The following ZNF385D variants were observed in gnomAD, a reference collection of about 807,000 sequenced individuals.
ZNF385D encodes the protein zinc finger protein 385D.
A neutral mutation model predicts 35.8 loss-of-function variants in ZNF385D; 15 were observed. The observed-to-expected ratio is 0.42, with a 90% confidence interval of 0.28 to 0.64. ZNF385D has a LOEUF of 0.64. ZNF385D is among the 30% of genes least tolerant of loss of function. The pLI is 0.23. For synonymous variants in ZNF385D, 212 were observed against 186.8 expected, an observed-to-expected ratio of 1.13 and a Z score of -1.10; for missense variants, 474 against 494.6, an observed-to-expected ratio of 0.96 and a Z score of 0.39.
intron 4 of ZNF385D, among the ~76,000 whole-genome samples, chr3:21,507,996 C>A (rs1422822273): frequency 6.6e-6 from 1 of 152,072 alleles, no homozygotes; most frequent in Non-Finnish European, 1.5e-5. Context: ...ACCTATATAA[C>A]TTGCTTTTTT....
chr3:21,615,816 G>GTGTGTGTGTGTGTT lies in ZNF385D; in HGVS notation c.165+49069_165+49070insAACACACACACACA, dbSNP rs1375406249. Among the ~76,000 whole-genome samples, 108 of 151,312 alleles carry GTGTGTGTGTGTGTT rather than the reference G, an allele frequency of 7.1e-4. 1 individual carries two copies. Among genetic ancestry groups the GTGTGTGTGTGTGTT allele is most frequent in the African/African-American group, 2.6e-3 (105 of 41,106 alleles). On this transcript the variant is annotated intron_variant, in intron 2 of 7. Coordinates refer to ENST00000281523, the MANE Select transcript of ZNF385D (RefSeq NM_024697.3). ...AGAGTGTGTGTGTGTGTGTGTGTGT[G>GTGTGTGTGTGTGTT]TTTACTGGTTAAAAAAATCAATTTG...
chr3:22,292,115 G>T (rs1702330400), intron 2 of ZNF385D, among the ~76,000 whole-genome samples: 2 of 151,762 alleles, frequency 1.3e-5, no homozygotes. Flanking sequence ...GCTTTTAATT[G>T]AATAATTCTT....
chr3:21,474,247 G>A (rs964599631), intron 4 of ZNF385D, among the ~76,000 whole-genome samples: 1 of 152,152 alleles, frequency 6.6e-6, no homozygotes, highest in Admixed American at 6.6e-5. Context: ...TCTATCCACA[G>A]TGGCAGGAGA....
intron 5 of ZNF385D, among the ~76,000 whole-genome samples, chr3:21,428,513 T>C (rs1474282225): frequency 1.3e-5 from 2 of 152,164 alleles, no homozygotes; most frequent in Non-Finnish European, 2.9e-5. Context: ...TTGTTAATAC[T>C]GTCTTTTCTA....
chr3:21,686,609 A>C (rs1383963903), intron 1 of ZNF385D, among the ~76,000 whole-genome samples: 1 of 152,206 alleles, frequency 6.6e-6, no homozygotes, highest in African/African-American at 2.4e-5. Flanking sequence ...ACTCTTTTTC[A>C]TGTACAAAGC....
Position 22,339,405 on chromosome 3 carries a change from C to T in ZNF385D, c.106+33045G>A, listed in dbSNP as rs573344122. On this transcript the variant is annotated intron_variant, in intron 2 of 5. Transcript: ENST00000494108. The stretch of plus-strand genomic sequence containing the variant: ...ACTAATAGTTATCAAATACTATGTG[C>T]CATATACTATGCTAGGTGCTGAATA... Among the ~76,000 whole-genome samples the T allele has an allele frequency of 1.2e-4, 19 of 152,218 alleles. No individual in the cohort carries two copies. In the East Asian group the frequency reaches 2.1e-3, roughly 17 times the overall value.
At chr3:22,197,008 T>C (rs943955188) in intron 2 of ZNF385D, among the ~76,000 whole-genome samples, 1 of 152,058 alleles carries the variant, frequency 6.6e-6, no homozygotes, top group Non-Finnish European at 1.5e-5. Flanking sequence ...GTATTTCTAT[T>C]TCTCAATTTG....
chr3:21,980,151 C>T (rs897113770), intron 3 of ZNF385D, among the ~76,000 whole-genome samples: 13 of 152,146 alleles, frequency 8.5e-5, no homozygotes, highest in Non-Finnish European at 1.3e-4. Context: ...GGGCAAGGAA[C>T]TACTAAGACC....
intron 1 of ZNF385D, among the ~76,000 whole-genome samples, chr3:21,686,510 C>T (rs73138852): frequency 0.019 from 2,929 of 151,830 alleles, 89 homozygotes; most frequent in African/African-American, 0.066. Context: ...AGTAGCCACA[C>T]CAAAAAGTAA....
intron 3 of ZNF385D, among the ~76,000 whole-genome samples, chr3:21,983,661 G>C (rs1329721027): frequency 2.0e-5 from 2 of 98,324 alleles, no homozygotes; most frequent in East Asian, 3.1e-4. Flanking sequence ...ATGATTTATA[G>C]TCATTTGGGT....
chr3:22,005,591 A>T (rs184725122), intron 3 of ZNF385D, among the ~76,000 whole-genome samples: 1 of 152,264 alleles, frequency 6.6e-6, no homozygotes, highest in Non-Finnish European at 1.5e-5. Flanking sequence ...AAAATAGCAC[A>T]TGTATCCCAT....
chr3:22,332,467 G>A (rs901212555), intron 2 of ZNF385D, among the ~76,000 whole-genome samples: 1 of 152,086 alleles, frequency 6.6e-6, no homozygotes, highest in Non-Finnish European at 1.5e-5. Flanking sequence ...AAGGAAGAAG[G>A]CATGGTGGTT....
At chr3:22,016,500 T>C (rs968642727) in intron 3 of ZNF385D, among the ~76,000 whole-genome samples, 1 of 152,116 alleles carries the variant, frequency 6.6e-6, no homozygotes, top group Non-Finnish European at 1.5e-5. Flanking sequence ...TGAGATTAGG[T>C]ATGACTATCT....
chr3:22,146,571 G>A (rs1380679641), intron 3 of ZNF385D, among the ~76,000 whole-genome samples: 1 of 152,046 alleles, frequency 6.6e-6, no homozygotes, highest in African/African-American at 2.4e-5. Flanking sequence ...TCAACTGCCT[G>A]TACTTGCTAA....
chr3:21,888,823 G>C (rs375099508), intron 3 of ZNF385D, among the ~76,000 whole-genome samples: 8 of 152,228 alleles, frequency 5.3e-5, no homozygotes, highest in East Asian at 1.9e-4. Flanking sequence ...CATCTAAGTT[G>C]AGGTTGCCAA....
intron 2 of ZNF385D, among the ~76,000 whole-genome samples, chr3:22,274,668 T>C (rs1202692767): frequency 8.6e-5 from 13 of 151,802 alleles, no homozygotes; most frequent in Admixed American, 8.5e-4. Flanking sequence ...TAGTAAATTT[T>C]TTAAAAAAAA....
intron 2 of ZNF385D, among the ~76,000 whole-genome samples, chr3:22,342,422 A>T (rs985627483): frequency 6.6e-6 from 1 of 151,850 alleles, no homozygotes; most frequent in African/African-American, 2.4e-5. Context: ...CTAATTATTT[A>T]CTTGTAAATT....
chr3:21,490,490 C>T (rs575912822), intron 4 of ZNF385D, among the ~76,000 whole-genome samples: 2 of 152,256 alleles, frequency 1.3e-5, no homozygotes, highest in African/African-American at 4.8e-5. Flanking sequence ...CCCCTTTATG[C>T]CTGTCTCAAC....
rs539016144 is a variant in ZNF385D, at chr3:22,256,316, G to A, written c.107-87281C>T. Among the ~76,000 whole-genome samples the A allele has an allele frequency of 4.0e-5, 6 of 151,004 alleles. No homozygotes were observed. The South Asian group carries it at 6.3e-4, about 16-fold the overall frequency. On this transcript the variant is annotated intron_variant, in intron 2 of 5. Coordinates refer to the ZNF385D transcript ENST00000494108. ...TACACTAATCTATAAGGGTACTTAC[G>A]TAATTAAGAAAGGTCTCCCCAAAAT...
Sources: allele counts gnomAD v4.1 joint callset (sites outside exome capture counted in the v4.1 genomes callset), GRCh38; gene constraint gnomAD v4.1.1; transcripts MANE v1.5; gene names NCBI Gene and HGNC (gene_info 2026-07-23, HGNC 2026-07-21).